CDC123: variants seen among roughly 807,000 people sequenced by gnomAD.
The protein encoded by CDC123 is translation initiation factor eIF2 assembly protein.
Under a neutral mutation model 54.4 loss-of-function variants are expected in CDC123, and 37 were observed. That is an observed-to-expected ratio of 0.68 (90% CI 0.52 to 0.89). CDC123 has a LOEUF of 0.89. Ranked by LOEUF, CDC123 falls within the 40% of genes least tolerant of loss-of-function variation. The pLI, the probability that CDC123 is intolerant of heterozygous loss-of-function variation, is 0.00. For missense variants in CDC123, 361 were observed against 412.1 expected (o/e 0.88, Z 1.07); for synonymous variants, 144 against 136.8 (o/e 1.05, Z -0.37).
intron 6 of CDC123, among the ~76,000 whole-genome samples, chr10:12,228,685 C>T: frequency 6.6e-6 from 1 of 152,094 alleles, no homozygotes; most frequent in East Asian, 1.9e-4. Context: ...ATTCTCCTGC[C>T]TCAGCCTCCC....
chr10:12,229,497 C>T (rs1415374420), intron 6 of CDC123, among the ~76,000 whole-genome samples: 1 of 152,204 alleles, frequency 6.6e-6, no homozygotes, highest in African/African-American at 2.4e-5. Context: ...CTCTCACTGC[C>T]CTCCCTGCCT....
At chr10:12,232,761 T>G (rs538628600) in intron 7 of CDC123, among the ~76,000 whole-genome samples, 25 of 151,264 alleles carry the variant, frequency 1.7e-4, no homozygotes, top group African/African-American at 6.0e-4. Flanking sequence ...CTGCCAGGTA[T>G]GAGAAAGAGA....
chr10:12,199,106 G>A (rs942616402), intron 2 of CDC123, among the ~76,000 whole-genome samples: 3 of 152,118 alleles, frequency 2.0e-5, no homozygotes, highest in East Asian at 3.8e-4. Context: ...CAGTTTTGAC[G>A]ATTAAAAATT....
chr10:12,229,280 C>T (rs953976604), intron 6 of CDC123, among the ~76,000 whole-genome samples: 2 of 152,210 alleles, frequency 1.3e-5, no homozygotes, highest in African/African-American at 4.8e-5. Context: ...ATGGAATGAT[C>T]TCCCTTGCGT....
chr10:12,229,043 G>C (rs1378007768), intron 6 of CDC123, among the ~76,000 whole-genome samples: 1 of 152,110 alleles, frequency 6.6e-6, no homozygotes, highest in African/African-American at 2.4e-5. Flanking sequence ...GAGTCACCAA[G>C]TGATCTTGCC....
intron 5 of CDC123, among the ~76,000 whole-genome samples, chr10:12,216,937 G>A (rs909513253): frequency 3.9e-5 from 6 of 152,176 alleles, no homozygotes; most frequent in Non-Finnish European, 8.8e-5. Flanking sequence ...AGCCGCCAAA[G>A]TTCAAGTGTT....
rs949778008 is a variant in CDC123, at chr10:12,217,386, G to C, written c.359G>C (p.Ser120Thr). ...PRDAYWIAMN[S>T]SLKCKTLSDI... ...GATGCGTATTGGATAGCAATGAATA[G>C]TTCTCTGAAATGTAAAACCCTCAGC... Residue 120 changes from serine (S) to threonine (T), a missense_variant, in exon 6 of 13, where the codon AGT becomes ACT. Ser to Thr is a moderately conservative substitution (Grantham distance 58). Coordinates refer to ENST00000281141, the MANE Select transcript of CDC123 (RefSeq NM_006023.3). The C allele has an allele frequency of 6.2e-7, 1 of 1,613,882 alleles. No homozygotes were observed. Among genetic ancestry groups the C allele is most frequent in the African/African-American group, 1.3e-5 (1 of 75,034 alleles).
chr10:12,242,884 A>G (rs964335632), intron 10 of CDC123, among the ~76,000 whole-genome samples: 3 of 151,742 alleles, frequency 2.0e-5, no homozygotes, highest in Non-Finnish European at 4.4e-5. Context: ...GGAGGTTGCA[A>G]TGAGCTGAGA....
At chr10:12,211,353 G>A (rs1428112026) in intron 4 of CDC123, among the ~76,000 whole-genome samples, 1 of 152,038 alleles carries the variant, frequency 6.6e-6, no homozygotes, top group African/African-American at 2.4e-5. Context: ...TAGATAAGAA[G>A]ATACTTGTTT....
At chr10:12,213,212 A>G (rs528953725) in intron 4 of CDC123, among the ~76,000 whole-genome samples, 192 of 152,352 alleles carry the variant, frequency 1.3e-3, no homozygotes, top group African/African-American at 4.2e-3. Flanking sequence ...TTGCGCAAAG[A>G]AAAATAGTAA....
chr10:12,212,566 G>T (rs1289921166), intron 4 of CDC123, among the ~76,000 whole-genome samples: 1 of 152,172 alleles, frequency 6.6e-6, no homozygotes, highest in Non-Finnish European at 1.5e-5. Flanking sequence ...TCAAACTTCT[G>T]GGCTCAAGTG....
chr10:12,208,417 TG>T (rs1388047891), intron 2 of CDC123, among the ~76,000 whole-genome samples: 2 of 152,062 alleles, frequency 1.3e-5, no homozygotes, highest in African/African-American at 4.8e-5. Context: ...GGGCCAATGG[TG>T]TGGGTGGTAA....
intron 4 of CDC123, among the ~76,000 whole-genome samples, chr10:12,213,704 T>C (rs970493528): frequency 1.4e-5 from 2 of 145,308 alleles, no homozygotes; most frequent in African/African-American, 5.7e-5. Context: ...TAAAACTCTT[T>C]AATGCGTGTT....
intron 2 of CDC123, among the ~76,000 whole-genome samples, chr10:12,204,595 C>T (rs1835489313): frequency 6.6e-6 from 1 of 152,090 alleles, no homozygotes; most frequent in South Asian, 2.1e-4. Flanking sequence ...GGGTGTCCAT[C>T]CCCTCAAGCA....
intron 7 of CDC123, 52 bp from the exon 8 acceptor site, chr10:12,234,996 A>C: frequency 7.3e-7 from 1 of 1,378,346 alleles, no homozygotes; most frequent in Non-Finnish European, 1.0e-6. Flanking sequence ...ATTGCCTAGT[A>C]GACCTTACCA....
intron 6 of CDC123, among the ~76,000 whole-genome samples, chr10:12,225,527 T>A (rs1291069474): frequency 6.6e-6 from 1 of 152,172 alleles, no homozygotes; most frequent in Non-Finnish European, 1.5e-5. Context: ...AAACCTGTGT[T>A]CTAGAAGCTC....
chr10:12,232,918 C>T (rs958980594), intron 7 of CDC123, among the ~76,000 whole-genome samples: 18 of 151,958 alleles, frequency 1.2e-4, no homozygotes, highest in African/African-American at 4.1e-4. Context: ...CGCCACTCCG[C>T]CTGGCTAATT....
intron 2 of CDC123, among the ~76,000 whole-genome samples, chr10:12,205,549 A>G (rs969686964): frequency 3.3e-5 from 5 of 152,214 alleles, no homozygotes; most frequent in East Asian, 1.9e-4. Flanking sequence ...ATTCTTCACA[A>G]TTCTGTGAAG....
chr10:12,239,987 T>G lies in CDC123; in HGVS notation c.717+1502T>G, dbSNP rs1427537906. On this transcript the variant is annotated intron_variant, in intron 10 of 12. Transcript: ENST00000281141. ...CGCGCCACTGCACTCCAGCCTGGGC[T>G]ACAGAGCGAGACTCCGTCTCAAAAA... is the stretch of plus-strand genomic sequence containing the variant. Among the ~76,000 whole-genome samples, 30 of 139,642 alleles carry G rather than the reference T, an allele frequency of 2.1e-4. No homozygotes were observed. The East Asian group carries it at 4.0e-3, about 19-fold the overall frequency. 91.6% of individuals were successfully genotyped at this position (139,642 alleles called of 152,430 possible).
Sources: allele counts gnomAD v4.1 joint callset (sites outside exome capture counted in the v4.1 genomes callset), GRCh38; gene constraint gnomAD v4.1.1; transcripts MANE v1.5; gene names NCBI Gene and HGNC (gene_info 2026-07-23, HGNC 2026-07-21).